The following NCKAP5 variants were observed in gnomAD, a reference collection of about 807,000 sequenced individuals.
NCKAP5 encodes nck-associated protein 5.
In NCKAP5, 92 loss-of-function variants were observed where a neutral mutation model predicts 167.0. The observed-to-expected ratio is 0.55, with a 90% CI of 0.47 to 0.66. The LOEUF is 0.66. NCKAP5 is among the 30% of genes least tolerant of loss of function. The pLI is 0.00. For synonymous variants in NCKAP5, 891 were observed against 877.4 expected (o/e 1.02, Z -0.27); for missense variants, 2,378 against 2,315.0 (o/e 1.03, Z -0.56).
intron 3 of NCKAP5, among the ~76,000 whole-genome samples, chr2:133,481,438 CA>C (rs1315358694): frequency 1.3e-5 from 2 of 152,194 alleles, no homozygotes; most frequent in Non-Finnish European, 2.9e-5. Flanking sequence ...AAGCACAACA[CA>C]TTTTTTAAGA....
At chr2:133,465,211 A>C (rs887923515) in intron 3 of NCKAP5, among the ~76,000 whole-genome samples, 5 of 127,640 alleles carry the variant, frequency 3.9e-5, no homozygotes, top group Non-Finnish European at 7.8e-5. Context: ...TCCTGTGTCC[A>C]TGTGATCTCA....
chr2:133,219,288 C>T (rs1424910946), intron 4 of NCKAP5, among the ~76,000 whole-genome samples: 1 of 152,176 alleles, frequency 6.6e-6, no homozygotes, highest in Non-Finnish European at 1.5e-5. Context: ...GGGGAAATTG[C>T]CTAGGTGTAG....
At chr2:133,657,402 G>A in the NCKAP5 span, among the ~76,000 whole-genome samples, 1 of 152,188 alleles carries the variant, frequency 6.6e-6, no homozygotes, top group South Asian at 2.1e-4. Flanking sequence ...TACTGTCCAA[G>A]ATGAAAGTAC....
intron 5 of NCKAP5, among the ~76,000 whole-genome samples, chr2:133,182,081 C>A (rs558469471): frequency 6.6e-6 from 1 of 151,886 alleles, no homozygotes; most frequent in Admixed American, 6.6e-5. Flanking sequence ...TAATGTGCAC[C>A]AATCAAGAGC....
At chr2:133,407,161 G>A (rs1688491270) in intron 3 of NCKAP5, among the ~76,000 whole-genome samples, 1 of 152,198 alleles carries the variant, frequency 6.6e-6, no homozygotes, top group Admixed American at 6.5e-5. Context: ...TGAAATGAGG[G>A]CTCCAGGAAT....
intron 7 of NCKAP5, among the ~76,000 whole-genome samples, 163 bp from the exon 8 acceptor site, chr2:132,964,032 A>G (rs1000870935): frequency 6.6e-6 from 1 of 152,158 alleles, no homozygotes; most frequent in Non-Finnish European, 1.5e-5. Context: ...AATGAAGTAG[A>G]TATTTTTACT....
chr2:133,070,134 G>A (rs1357226746), intron 6 of NCKAP5, among the ~76,000 whole-genome samples: 2 of 152,128 alleles, frequency 1.3e-5, no homozygotes, highest in East Asian at 3.9e-4. Context: ...TAGGAAAAAT[G>A]TATCATTTCA....
At chr2:133,426,679 C>T (rs1040983015) in intron 3 of NCKAP5, among the ~76,000 whole-genome samples, 2 of 152,018 alleles carry the variant, frequency 1.3e-5, no homozygotes, top group African/African-American at 2.4e-5. Context: ...ATGGTTCTAA[C>T]GATCATACCT....
At chr2:133,215,674 T>C (rs2086396127) in intron 4 of NCKAP5, among the ~76,000 whole-genome samples, 1 of 152,210 alleles carries the variant, frequency 6.6e-6, no homozygotes, top group Non-Finnish European at 1.5e-5. Flanking sequence ...CAACAATGTA[T>C]GGAATACTGC....
intron 6 of NCKAP5, chr2:133,117,980 T>C (rs1284831102): frequency 1.3e-5 from 2 of 152,206 alleles, no homozygotes; most frequent in Non-Finnish European, 2.9e-5. Flanking sequence ...TGAGTACCCA[T>C]ACCATCAGGT....
chr2:133,293,992 G>A (rs1679779330), intron 4 of NCKAP5, among the ~76,000 whole-genome samples: 1 of 152,180 alleles, frequency 6.6e-6, no homozygotes, highest in Non-Finnish European at 1.5e-5. Flanking sequence ...CCTCAGCAGG[G>A]TGAATCAGGG....
At chr2:133,440,062 G>C (rs1450790699) in intron 3 of NCKAP5, among the ~76,000 whole-genome samples, 1 of 152,146 alleles carries the variant, frequency 6.6e-6, no homozygotes, top group Non-Finnish European at 1.5e-5. Context: ...GTTTCTGTTT[G>C]TATGATATAC....
At chr2:132,692,389 G>T (rs1272545696) in intron 19 of NCKAP5, among the ~76,000 whole-genome samples, 3 of 151,940 alleles carry the variant, frequency 2.0e-5, no homozygotes, top group Non-Finnish European at 4.4e-5. Context: ...CTGACCTCAG[G>T]TGATCCTCCC....
intron 11 of NCKAP5, among the ~76,000 whole-genome samples, chr2:132,812,550 C>T (rs1020059536): frequency 1.3e-5 from 2 of 152,152 alleles, no homozygotes; most frequent in East Asian, 1.9e-4. Flanking sequence ...CATCAAGGTG[C>T]TCATCAGACA....
At chr2:132,778,484 TA>T (rs1438134611) in intron 15 of NCKAP5, among the ~76,000 whole-genome samples, 2 of 152,110 alleles carry the variant, frequency 1.3e-5, no homozygotes, top group African/African-American at 4.8e-5. Flanking sequence ...ATTAGAATAC[TA>T]AAAATGCCTT....
chr2:133,335,184 C>T (rs960878882), intron 3 of NCKAP5, among the ~76,000 whole-genome samples: 2 of 152,066 alleles, frequency 1.3e-5, no homozygotes, highest in African/African-American at 4.8e-5. Flanking sequence ...TGGAATGTCT[C>T]AGTGGTATTG....
intron 3 of NCKAP5, among the ~76,000 whole-genome samples, chr2:133,319,094 T>C (rs903587168): frequency 1.3e-5 from 2 of 152,018 alleles, no homozygotes; most frequent in African/African-American, 4.8e-5. Flanking sequence ...GACTCTTCAA[T>C]AGTCAAATTA....
At chr2:133,227,696 A>C (rs1183098540) in intron 4 of NCKAP5, among the ~76,000 whole-genome samples, 1 of 152,214 alleles carries the variant, frequency 6.6e-6, no homozygotes, top group East Asian at 1.9e-4. Flanking sequence ...TCATTTTATG[A>C]GTCCATAACC....
At chr2:133,583,208 T>C in the NCKAP5 span, among the ~76,000 whole-genome samples, 6 of 152,300 alleles carry the variant, frequency 3.9e-5, no homozygotes, top group Admixed American at 3.9e-4. Flanking sequence ...AGGTAGGGCC[T>C]GGTGGGAGGT....
Sources: gnomAD v4.1 joint callset for allele counts (sites outside exome capture counted in the v4.1 genomes callset) on GRCh38, gnomAD v4.1.1 for gene constraint, MANE v1.5 for transcripts, NCBI Gene and HGNC (gene_info 2026-07-23, HGNC 2026-07-21) for gene names.